Variants in BBX observed in about 807,000 individuals in gnomAD.
BBX encodes BBX high mobility group box domain containing, also known as HMG box transcription factor BBX.
A neutral mutation model predicts 100.2 loss-of-function variants in BBX; 30 were observed. The observed-to-expected ratio is 0.30, with a 90% confidence interval of 0.22 to 0.41. The LOEUF (loss-of-function observed/expected upper bound fraction) is 0.41, where lower values mean the gene tolerates loss of function less well. BBX is among the 10% of genes least tolerant of loss of function. BBX has a pLI of 1.00. For synonymous variants in BBX, 376 were observed against 388.1 expected, an observed-to-expected ratio of 0.97 and a Z score of 0.37; for missense variants, 1,023 against 1,129.8, an observed-to-expected ratio of 0.91 and a Z score of 1.35.
chr3:107,674,163 A>G (rs1211523910), intron 3 of BBX, among the ~76,000 whole-genome samples: 1 of 152,128 alleles, frequency 6.6e-6, no homozygotes, highest in Non-Finnish European at 1.5e-5. Context: ...ATGTCAGAGG[A>G]GCCTGAAAAT....
chr3:107,753,657 G>A lies in BBX; in HGVS notation c.826-1941G>A, dbSNP rs984883047. Among the ~76,000 whole-genome samples, 21 of 152,196 alleles carry A rather than the reference G, an allele frequency of 1.4e-4. 1 individual carries two copies. The highest frequency in any genetic ancestry group is 8.3e-4 in the South Asian group (4 of 4,828). On this transcript the variant is annotated intron_variant, in intron 9 of 17. Transcript: ENST00000325805. The stretch of plus-strand genomic sequence containing the variant: ...TGCATTAGGCACAGGATATGTGGGA[G>A]TGACACACACGGGGAACAAAAACCT...
At chr3:107,758,766 G>A (rs1018107664) in intron 10 of BBX, among the ~76,000 whole-genome samples, 2 of 152,054 alleles carry the variant, frequency 1.3e-5, no homozygotes, top group Non-Finnish European at 2.9e-5. Flanking sequence ...CTTGTGTAGA[G>A]TTAACAGTAA....
At chr3:107,713,449 G>A (rs1161457232) in intron 4 of BBX, among the ~76,000 whole-genome samples, 1 of 152,082 alleles carries the variant, frequency 6.6e-6, no homozygotes, top group Non-Finnish European at 1.5e-5. Flanking sequence ...ATCCAGCTGT[G>A]GGAACTAGTG....
chr3:107,676,475 A>G (rs35744194), intron 3 of BBX, among the ~76,000 whole-genome samples: 22,449 of 152,146 alleles, frequency 0.15, 2,016 homozygotes, highest in African/African-American at 0.25. Context: ...TAAATATCAG[A>G]CATAGCTTAT....
intron 15 of BBX, among the ~76,000 whole-genome samples, chr3:107,793,698 TAGAC>T (rs1185535411): frequency 1.3e-5 from 2 of 152,166 alleles, no homozygotes; most frequent in East Asian, 1.9e-4. Flanking sequence ...GCTCAAATGT[TAGAC>T]AGGCATTGTT....
At chr3:107,768,573 A>C (rs951522021) in intron 10 of BBX, among the ~76,000 whole-genome samples, 2 of 152,174 alleles carry the variant, frequency 1.3e-5, no homozygotes, top group Admixed American at 6.5e-5. Flanking sequence ...AAGATAATTC[A>C]CATTTTGAAG....
intron 9 of BBX, among the ~76,000 whole-genome samples, chr3:107,750,112 A>G (rs1011477813): frequency 6.6e-6 from 1 of 152,138 alleles, no homozygotes; most frequent in African/African-American, 2.4e-5. Context: ...TAATTCTTGA[A>G]TGAGATTTGG....
At chr3:107,686,978 C>T (rs936603113) in intron 3 of BBX, among the ~76,000 whole-genome samples, 2 of 152,048 alleles carry the variant, frequency 1.3e-5, no homozygotes, top group Non-Finnish European at 2.9e-5. Context: ...TATTAAGGGC[C>T]TCTATGGCTT....
At chr3:107,647,814 C>T (rs1209100246) in intron 3 of BBX, among the ~76,000 whole-genome samples, 2 of 152,180 alleles carry the variant, frequency 1.3e-5, no homozygotes, top group Non-Finnish European at 2.9e-5. Context: ...TCCTGCCACT[C>T]CGCTCCGTGT....
chr3:107,523,236 G>T, intron 1 of BBX, 129 bp downstream of exon 1: 1 of 225,442 alleles, frequency 4.4e-6, no homozygotes, highest in South Asian at 5.1e-5. Flanking sequence ...CGGCGGCGGC[G>T]GCGGCGGCGG....
At chr3:107,731,160 G>A (rs563945681) in intron 6 of BBX, among the ~76,000 whole-genome samples, 1 of 152,154 alleles carries the variant, frequency 6.6e-6, no homozygotes, top group Non-Finnish European at 1.5e-5. Context: ...ATAACTTTAT[G>A]TAAGTATGAA....
intron 3 of BBX, among the ~76,000 whole-genome samples, chr3:107,708,029 A>G (rs778067376): frequency 6.6e-6 from 1 of 152,194 alleles, no homozygotes. Context: ...GGGTTTAACT[A>G]CCACTCAAGC....
At chr3:107,548,059 G>A (rs667022) in intron 2 of BBX, among the ~76,000 whole-genome samples, 16,297 of 152,094 alleles carry the variant, frequency 0.11, 983 homozygotes, top group Non-Finnish European at 0.12. Flanking sequence ...AATTAAGTTG[G>A]TGTTTTAAAT....
At chr3:107,624,470 A>T (rs1251687614) in intron 2 of BBX, among the ~76,000 whole-genome samples, 2 of 152,252 alleles carry the variant, frequency 1.3e-5, no homozygotes, top group Non-Finnish European at 2.9e-5. Flanking sequence ...AAAGTTATTT[A>T]AAAATGCTGA....
intron 6 of BBX, 107 bp downstream of exon 6, chr3:107,729,067 T>G: frequency 9.1e-7 from 1 of 1,102,382 alleles, no homozygotes; most frequent in Non-Finnish European, 1.3e-6. Flanking sequence ...TAACCAATAT[T>G]AAGCAGTGGC....
At chr3:107,714,717 A>T (rs549731800) in intron 4 of BBX, among the ~76,000 whole-genome samples, 59 of 152,058 alleles carry the variant, frequency 3.9e-4, no homozygotes, top group South Asian at 1.7e-3. Context: ...TGACCTCAAG[A>T]TTTTTTCTGT....
intron 6 of BBX, among the ~76,000 whole-genome samples, chr3:107,731,625 A>T (rs1373164082): frequency 6.6e-6 from 1 of 151,766 alleles, no homozygotes; most frequent in East Asian, 1.9e-4. Context: ...TGACCCCCTG[A>T]TCTTTTGGTA....
At chr3:107,737,472 A>C (rs1159406314) in intron 7 of BBX, among the ~76,000 whole-genome samples, 1 of 152,182 alleles carries the variant, frequency 6.6e-6, no homozygotes, top group African/African-American at 2.4e-5. Flanking sequence ...TAGCTGAGTT[A>C]GTGTCAGATT....
In BBX at chr3:107,805,504, C is replaced by T. The variant is rs368136279; in HGVS notation, c.*47C>T. ...ATTGTGCTTTACCTACTACCCTAGCCTTGTCTTTACCGAGGGATGCTAGTG... is the reference window on the plus strand; with the variant it reads ...ATTGTGCTTTACCTACTACCCTAGCTTTGTCTTTACCGAGGGATGCTAGTG... On this transcript the variant is annotated 3_prime_UTR_variant, in exon 18 of 18. Coordinates refer to ENST00000325805, the MANE Select transcript of BBX (RefSeq NM_001142568.3). The T allele has an allele frequency of 2.2e-5, 36 of 1,613,874 alleles. No homozygotes were observed. In the East Asian group the frequency reaches 6.2e-4, roughly 28 times the overall value.
Sources: allele counts gnomAD v4.1 joint callset (sites outside exome capture counted in the v4.1 genomes callset), GRCh38; gene constraint gnomAD v4.1.1; transcripts MANE v1.5; gene names NCBI Gene and HGNC (gene_info 2026-07-23, HGNC 2026-07-21).